The following TCTN2 variants were observed in gnomAD, a reference collection of about 807,000 sequenced individuals.
TCTN2 encodes the protein tectonic-2.
Under a neutral mutation model 83.4 loss-of-function variants are expected in TCTN2, and 66 were observed. The observed-to-expected ratio is 0.79, with a 90% CI of 0.65 to 0.97. TCTN2 has a LOEUF of 0.97. Ranked by LOEUF, TCTN2 falls within the 50% of genes least tolerant of loss-of-function variation. The probability of loss-of-function intolerance (pLI) is 0.00; values close to 1 mark genes in which losing one functional copy is unlikely to be tolerated. For missense variants in TCTN2, 794 were observed against 858.1 expected, an observed-to-expected ratio of 0.93 and a Z score of 0.93; for synonymous variants, 301 against 326.7, an observed-to-expected ratio of 0.92 and a Z score of 0.85.
At position 123,671,146 on chromosome 12, in the gene TCTN2, G is replaced by T; in HGVS notation, c.-95G>T. ...GGGCGTTCGCTTGCAAGATGGCGGC[G>T]GCGGGGCAGTGGCTGCTGCGTTTTC... is the stretch of plus-strand genomic sequence containing the variant. On this transcript the variant is annotated 5_prime_UTR_variant, in exon 1 of 18. Coordinates refer to ENST00000303372, the MANE Select transcript of TCTN2 (RefSeq NM_024809.5). 1 of 1,228,984 alleles carries T rather than the reference G, an allele frequency of 8.1e-7. No homozygotes were observed. The highest frequency in any genetic ancestry group is 1.2e-6 in the Non-Finnish European group (1 of 862,972). The allele number at this position is 1,228,984 out of a possible 1,614,324, so 76.1% of individuals were successfully genotyped here.
chr12:123,673,937 C>T (rs923648547), intron 4 of TCTN2, 127 bp downstream of exon 4: 85 of 869,790 alleles, frequency 9.8e-5, no homozygotes, highest in Non-Finnish European at 6.0e-5. Context: ...GTTAATGCTA[C>T]AAATGAGCTG....
At chr12:123,691,935 G>A (rs967647374) in intron 8 of TCTN2, among the ~76,000 whole-genome samples, 4 of 146,074 alleles carry the variant, frequency 2.7e-5, no homozygotes, top group Non-Finnish European at 6.0e-5. Flanking sequence ...GCTCTTGTCC[G>A]CCAGGCTGGA....
chr12:123,695,410 T>C, intron 11 of TCTN2, 113 bp downstream of exon 11: 1 of 771,970 alleles, frequency 1.3e-6, no homozygotes, highest in Non-Finnish European at 2.3e-6. Context: ...GACTCTGACC[T>C]TTTTCTTTAT....
Position 123,687,052 on chromosome 12 carries a change from C to T in TCTN2, c.764+17C>T. 5 of 1,614,026 alleles carry T rather than the reference C, an allele frequency of 3.1e-6. No homozygotes were observed. Among genetic ancestry groups the T allele is most frequent in the Non-Finnish European group, 4.2e-6 (5 of 1,179,902 alleles). ...TGGTGCTGTGTAAGTGTCTGAGCAG[C>T]CGCCTGGGATGGGGCATTGTTCTCC... On this transcript the variant is annotated intron_variant, in intron 6 of 17. Transcript: ENST00000303372.
intron 15 of TCTN2, 82 bp from the exon 16 acceptor site, chr12:123,706,644 G>A: frequency 6.2e-7 from 1 of 1,603,980 alleles, no homozygotes; most frequent in Admixed American, 1.7e-5. Context: ...AGGTTATATT[G>A]TGATTGCATC....
At chr12:123,684,470 G>A (rs978780526) in intron 5 of TCTN2, among the ~76,000 whole-genome samples, 6 of 149,682 alleles carry the variant, frequency 4.0e-5, no homozygotes, top group African/African-American at 9.9e-5. Flanking sequence ...GTGCGATCTC[G>A]GCCCGCTGCA....
In TCTN2 at chr12:123,708,020, T is replaced by C; in HGVS notation, c.*307T>C. 1 of 286,978 alleles carries C rather than the reference T, an allele frequency of 3.5e-6. No individual in the cohort carries two copies. Among genetic ancestry groups the C allele is most frequent in the Non-Finnish European group, 6.3e-6 (1 of 158,422 alleles). The allele number at this position is 286,978 out of a possible 1,614,324, so 17.8% of individuals were successfully genotyped here. A position where few individuals can be genotyped will look rare whatever the true frequency, so the allele number is the denominator to read the frequency against. On this transcript the variant is annotated 3_prime_UTR_variant, in exon 18 of 18. Coordinates refer to ENST00000303372, the MANE Select transcript of TCTN2 (RefSeq NM_024809.5). ...ACCGCACCCGGCCTTTTTTTTTTTT[T>C]TTTTTTTTTTGAGGCGGGGTCTCTG...
At chr12:123,704,282 G>C (rs939262013) in intron 14 of TCTN2, among the ~76,000 whole-genome samples, 4 of 152,202 alleles carry the variant, frequency 2.6e-5, no homozygotes, top group Admixed American at 1.3e-4. Flanking sequence ...TGGGATTACG[G>C]CGTTAGCCAC....
intron 14 of TCTN2, 113 bp from the exon 15 acceptor site, chr12:123,704,419 G>A (rs1296309671): frequency 9.0e-7 from 1 of 1,109,358 alleles, no homozygotes; most frequent in Non-Finnish European, 1.3e-6. Flanking sequence ...AGAGACTAAA[G>A]CCTCATTAAT....
intron 5 of TCTN2, among the ~76,000 whole-genome samples, chr12:123,679,875 G>A (rs4391893): frequency 6.6e-6 from 1 of 151,102 alleles, no homozygotes. Flanking sequence ...GAGTAGCTGG[G>A]ACTACAGGCG....
Position 123,687,092 on chromosome 12 carries a change from CATACTCTA to C in TCTN2, c.764+58_764+65del. The C allele has an allele frequency of 3.8e-6, 6 of 1,599,232 alleles. No homozygotes were observed. The East Asian group carries it at 1.3e-4, about 36-fold the overall frequency. On this transcript the variant is annotated intron_variant, in intron 6 of 17. Coordinates refer to ENST00000303372, the MANE Select transcript of TCTN2 (RefSeq NM_024809.5). ...CATTGTTCTCCCGCCCTGGTGGGGC[CATACTCTA>C]GTAGGCCCTGCAACGCGGTCACGTT...
At chr12:123,704,046 C>A (rs1255617830) in intron 14 of TCTN2, among the ~76,000 whole-genome samples, 1 of 141,472 alleles carries the variant, frequency 7.1e-6, no homozygotes, top group African/African-American at 2.6e-5. Context: ...CTCCCTCTGT[C>A]GCCAGGCTGC....
At chr12:123,699,360 G>T (rs368342068) in intron 13 of TCTN2, among the ~76,000 whole-genome samples, 2 of 151,844 alleles carry the variant, frequency 1.3e-5, no homozygotes, top group East Asian at 1.9e-4. Context: ...TTGCCCTGTT[G>T]CCCAGGCTGG....
Position 123,697,072 on chromosome 12 carries a change from C to T in TCTN2, c.1394-15C>T. 6.2e-7 allele frequency: 1 copy of T among 1,600,098 alleles called. No homozygotes were observed. Among genetic ancestry groups the T allele is most frequent in the African/African-American group, 1.3e-5 (1 of 74,768 alleles). ...TAGCAAAAAGTAGCAAGAGGATAAT[C>T]TTTTTCTTTTATAGCTGGAAGGGGT... On this transcript the variant is annotated splice_polypyrimidine_tract_variant and intron_variant, in intron 12 of 17. Transcript: ENST00000303372.
Position 123,696,206 on chromosome 12 carries a change from G to A in TCTN2, c.1313-209G>A. The A allele has an allele frequency of 6.9e-6, 4 of 575,542 alleles. No individual in the cohort carries two copies. In the South Asian group the frequency reaches 7.9e-5, roughly 11 times the overall value. The allele number at this position is 575,542 out of a possible 1,614,324, so 35.7% of individuals were successfully genotyped here. Reference sequence around the variant, plus strand: ...TTTTTTACATAGTCTGTTGTACATAGTAACAAGTTGCTGTAAATGTGAAGC... The same window carrying A: ...TTTTTTACATAGTCTGTTGTACATAATAACAAGTTGCTGTAAATGTGAAGC... On this transcript the variant is annotated intron_variant, in intron 11 of 17. Transcript: ENST00000303372.
intron 4 of TCTN2, 97 bp downstream of exon 4, chr12:123,673,907 A>G (rs1267327654): frequency 3.4e-5 from 40 of 1,166,168 alleles, no homozygotes; most frequent in Non-Finnish European, 4.8e-5. Context: ...GGTTGATGCT[A>G]TAAATGAGCT....
intron 14 of TCTN2, among the ~76,000 whole-genome samples, chr12:123,703,176 T>C (rs924664917): frequency 1.1e-4 from 16 of 150,714 alleles, no homozygotes; most frequent in Admixed American, 3.3e-4. Flanking sequence ...TATTATTTTT[T>C]TTTCAATTAT....
At position 123,690,521 on chromosome 12, in the gene TCTN2, C is replaced by G; in HGVS notation, c.892-12C>G. On this transcript the variant is annotated splice_polypyrimidine_tract_variant and intron_variant, in intron 7 of 17. Transcript: ENST00000303372. Reference sequence around the variant, plus strand: ...AGGCCATAAATCTGTTGGCTTTGCCCTTCTCCCTCAGGTGTCCCTGGCTGG... The same window carrying G: ...AGGCCATAAATCTGTTGGCTTTGCCGTTCTCCCTCAGGTGTCCCTGGCTGG... 1 of 1,614,154 alleles carries G rather than the reference C, an allele frequency of 6.2e-7. No homozygotes were observed. The highest frequency in any genetic ancestry group is 1.7e-4 in the Middle Eastern group (1 of 6,060).
chr12:123,681,367 A>C (rs1461224151), intron 5 of TCTN2, among the ~76,000 whole-genome samples: 1 of 152,184 alleles, frequency 6.6e-6, no homozygotes, highest in Non-Finnish European at 1.5e-5. Context: ...CTACCACCCC[A>C]GAAAGAAATC....
Sources: gnomAD v4.1 joint callset for allele counts (sites outside exome capture counted in the v4.1 genomes callset) on GRCh38, gnomAD v4.1.1 for gene constraint, MANE v1.5 for transcripts, NCBI Gene and HGNC (gene_info 2026-07-23, HGNC 2026-07-21) for gene names.